CDH18: variants seen among roughly 807,000 people sequenced by gnomAD.
CDH18 encodes cadherin 18, also known as cadherin-18.
CDH18 carries 31 observed loss-of-function variants against 67.9 expected under a neutral mutation model. The ratio of observed to expected loss-of-function variants is 0.46; its 90% CI spans 0.34 to 0.62. CDH18 has a LOEUF of 0.62. CDH18 is among the 20% of genes least tolerant of loss of function. The pLI is 0.01. For missense variants in CDH18, 890 were observed against 975.5 expected, an observed-to-expected ratio of 0.91 and a Z score of 1.17; for synonymous variants, 362 against 347.2, an observed-to-expected ratio of 1.04 and a Z score of -0.48.
chr5:19,911,612 C>T (rs11956929), intron 2 of CDH18, among the ~76,000 whole-genome samples: 44,810 of 151,674 alleles, frequency 0.3, 7,741 homozygotes, highest in South Asian at 0.39. Context: ...CTCCCTTTCC[C>T]TGCTATGTGA....
At chr5:20,258,372 T>C (rs1744400134) in intron 1 of CDH18, among the ~76,000 whole-genome samples, 1 of 152,196 alleles carries the variant, frequency 6.6e-6, no homozygotes, top group Non-Finnish European at 1.5e-5. Context: ...TCATCCAATA[T>C]TTACTCATGT....
chr5:19,772,264 A>G (rs995909082), intron 3 of CDH18, among the ~76,000 whole-genome samples: 2 of 152,136 alleles, frequency 1.3e-5, no homozygotes, highest in Non-Finnish European at 2.9e-5. Context: ...GTTATTTTGC[A>G]TGGAGAATAG....
At chr5:20,475,648 A>T (rs975659598) in intron 1 of CDH18, among the ~76,000 whole-genome samples, 1 of 152,172 alleles carries the variant, frequency 6.6e-6, no homozygotes, top group African/African-American at 2.4e-5. Context: ...GTCTAGGTAA[A>T]TAATACTGTC....
intron 1 of CDH18, among the ~76,000 whole-genome samples, chr5:20,527,545 A>G (rs1366444251): frequency 6.6e-6 from 1 of 152,120 alleles, no homozygotes; most frequent in African/African-American, 2.4e-5. Flanking sequence ...AGCCAATCAG[A>G]CTAACAGCAG....
At chr5:20,302,071 A>T (rs945817697) in intron 1 of CDH18, among the ~76,000 whole-genome samples, 6 of 152,204 alleles carry the variant, frequency 3.9e-5, no homozygotes, top group African/African-American at 1.2e-4. Context: ...GATACTTAGT[A>T]TTTGTCCAGA....
chr5:19,652,477 T>A (rs1755718932), intron 5 of CDH18, among the ~76,000 whole-genome samples: 1 of 152,118 alleles, frequency 6.6e-6, no homozygotes, highest in Non-Finnish European at 1.5e-5. Context: ...ATTCTATTGA[T>A]ATGTGCAGAC....
intron 3 of CDH18, among the ~76,000 whole-genome samples, chr5:19,758,304 CA>C (rs1211759729): frequency 6.6e-6 from 1 of 152,162 alleles, no homozygotes; most frequent in African/African-American, 2.4e-5. Flanking sequence ...CACCAAAGTC[CA>C]GTAACAGGCC....
intron 1 of CDH18, among the ~76,000 whole-genome samples, chr5:20,326,625 G>A (rs1342654733): frequency 2.0e-5 from 3 of 147,636 alleles, no homozygotes; most frequent in African/African-American, 7.5e-5. Flanking sequence ...TGCAAGCTCC[G>A]CCTCCCGGGT....
chr5:20,260,348 T>C (rs1001804744), intron 1 of CDH18, among the ~76,000 whole-genome samples: 3 of 151,990 alleles, frequency 2.0e-5, no homozygotes, highest in African/African-American at 4.8e-5. Context: ...CAATAACTTG[T>C]CTCTTAAGTT....
At chr5:19,906,365 T>C (rs913379115) in intron 2 of CDH18, among the ~76,000 whole-genome samples, 3 of 151,994 alleles carry the variant, frequency 2.0e-5, no homozygotes, top group Non-Finnish European at 4.4e-5. Flanking sequence ...TAAAGATACC[T>C]AATGACGATT....
At chr5:19,541,287 C>T (rs985914220) in intron 9 of CDH18, among the ~76,000 whole-genome samples, 1 of 150,834 alleles carries the variant, frequency 6.6e-6, no homozygotes, top group Non-Finnish European at 1.5e-5. Flanking sequence ...AGGTTCCAAA[C>T]TTTCCCACAT....
At chr5:19,587,004 T>C (rs2150008505) in intron 7 of CDH18, among the ~76,000 whole-genome samples, 1 of 152,326 alleles carries the variant, frequency 6.6e-6, no homozygotes, top group East Asian at 1.9e-4. Context: ...CATAAATGTC[T>C]TCTTTTGGGA....
intron 9 of CDH18, among the ~76,000 whole-genome samples, chr5:19,533,133 C>T (rs1748904022): frequency 1.3e-5 from 2 of 152,138 alleles, no homozygotes; most frequent in Non-Finnish European, 2.9e-5. Flanking sequence ...AACTTGGTGT[C>T]TCACAATTCA....
chr5:20,300,292 T>A (rs1050913536), intron 1 of CDH18, among the ~76,000 whole-genome samples: 2 of 106,640 alleles, frequency 1.9e-5, no homozygotes, highest in African/African-American at 5.8e-5. Flanking sequence ...ATAGATTAAG[T>A]TGTGTGTGTG....
At chr5:20,334,131 CTTTT>C (rs34609844) in intron 1 of CDH18, among the ~76,000 whole-genome samples, 10 of 81,636 alleles carry the variant, frequency 1.2e-4, no homozygotes, top group Non-Finnish European at 2.0e-4. Flanking sequence ...GACTTGAATT[CTTTT>C]TTTTTTTTTT....
chr5:19,963,524 T>C (rs955038584), intron 2 of CDH18, among the ~76,000 whole-genome samples: 1 of 151,954 alleles, frequency 6.6e-6, no homozygotes, highest in South Asian at 2.1e-4. Flanking sequence ...GTGAGTGAGT[T>C]CTCGTGAGAT....
chr5:19,593,743 T>TCTTCTTCTTCTTCTTCTTCTTCTTCTC (rs1561426559), intron 6 of CDH18, among the ~76,000 whole-genome samples: 1 of 145,952 alleles, frequency 6.9e-6, no homozygotes, highest in African/African-American at 2.6e-5. Flanking sequence ...TTCTTCTTCT[T>TCTTCTTCTTCTTCTTCTTCTTCTTCTC]CTTCTTCTTC....
In CDH18 at chr5:19,635,735, A is replaced by G. The variant is rs185445358; in HGVS notation, c.644-23134T>C. ...CATCTGACTAGGTATCCATTTATAT[A>G]TTTTACTTTCTTTAGTTACAAACTG... On this transcript the variant is annotated intron_variant, in intron 5 of 12. Coordinates refer to ENST00000382275, the MANE Select transcript of CDH18 (RefSeq NM_004934.5). Among the ~76,000 whole-genome samples, 302 of 152,224 alleles carry G rather than the reference A, an allele frequency of 2.0e-3. 1 individual carries two copies. The Middle Eastern group carries it at 0.024, about 12-fold the overall frequency.
intron 1 of CDH18, among the ~76,000 whole-genome samples, chr5:20,398,867 G>A (rs1274354720): frequency 2.1e-5 from 3 of 143,466 alleles, no homozygotes; most frequent in Non-Finnish European, 3.1e-5. Flanking sequence ...CACGGCACAC[G>A]TATACCTACG....
Sources: allele counts gnomAD v4.1 joint callset (sites outside exome capture counted in the v4.1 genomes callset), GRCh38; gene constraint gnomAD v4.1.1; transcripts MANE v1.5; gene names NCBI Gene and HGNC (gene_info 2026-07-23, HGNC 2026-07-21).